The following STK4 variants were observed in gnomAD, a reference collection of about 807,000 sequenced individuals.
The protein encoded by STK4 is serine/threonine kinase 4.
Under a neutral mutation model 64.9 loss-of-function variants are expected in STK4, and 30 were observed. The ratio of observed to expected loss-of-function variants is 0.46; its 90% CI spans 0.35 to 0.63. The LOEUF is 0.63. STK4 is among the 20% of genes least tolerant of loss of function. The pLI is 0.01. For missense variants in STK4, 466 were observed against 598.5 expected, an observed-to-expected ratio of 0.78 and a Z score of 2.31; for synonymous variants, 177 against 199.0, an observed-to-expected ratio of 0.89 and a Z score of 0.93.
At chr20:45,001,904 G>T (rs1299824556) in intron 9 of STK4, among the ~76,000 whole-genome samples, 1 of 152,122 alleles carries the variant, frequency 6.6e-6, no homozygotes, top group African/African-American at 2.4e-5. Flanking sequence ...CTAACATCTT[G>T]TGTTCAGCTC....
Position 45,000,876 on chromosome 20 carries a change from A to G in STK4, c.961-291A>G, listed in dbSNP as rs1454872986. On this transcript the variant is annotated intron_variant, in intron 8 of 10. Coordinates refer to ENST00000372806, the MANE Select transcript of STK4 (RefSeq NM_006282.5). The stretch of plus-strand genomic sequence containing the variant: ...CTTTTACATTTATAGACTTCTTCAC[A>G]ACCCTGAGATTCCAAAGATGTTCAC... Among the ~76,000 whole-genome samples the G allele has an allele frequency of 2.0e-5, 3 of 152,326 alleles. No individual in the cohort carries two copies. In the East Asian group the frequency reaches 5.8e-4, roughly 29 times the overall value.
intron 10 of STK4, among the ~76,000 whole-genome samples, chr20:45,069,334 G>A (rs1979857789): frequency 6.6e-6 from 1 of 152,218 alleles, no homozygotes; most frequent in Non-Finnish European, 1.5e-5. Flanking sequence ...ACCTTCAGTA[G>A]CAAGCCTGTG....
At chr20:45,054,577 T>TTTC (rs1568758959) in intron 10 of STK4, among the ~76,000 whole-genome samples, 1 of 125,530 alleles carries the variant, frequency 8.0e-6, no homozygotes, top group African/African-American at 3.0e-5. Flanking sequence ...TTTTTTTTTT[T>TTTC]CAAAAAAAAA....
chr20:45,022,422 T>C (rs2068264381), intron 9 of STK4, among the ~76,000 whole-genome samples: 1 of 152,148 alleles, frequency 6.6e-6, no homozygotes. Flanking sequence ...CAAAGAACAG[T>C]TGGTGTTTTA....
intron 9 of STK4, among the ~76,000 whole-genome samples, chr20:45,020,476 G>A (rs2068228063): frequency 6.9e-6 from 1 of 145,744 alleles, no homozygotes; most frequent in South Asian, 2.1e-4. Context: ...GTATGTTTAT[G>A]TTTATGTTTA....
rs1348289780 is a variant in STK4 at position 45,079,687 on chromosome 20, T to C, written c.*4511T>C. On this transcript the variant is annotated 3_prime_UTR_variant, in exon 11 of 11. Transcript: ENST00000372806. ...ATGTACAGTTTAAAAATGTGAAGTT[T>C]GTAGCTTTAACTTTTTGTAAGAAAA... is the stretch of plus-strand genomic sequence containing the variant. The C allele has an allele frequency of 6.5e-6, 1 of 152,676 alleles. No individual in the cohort carries two copies. The highest frequency in any genetic ancestry group is 1.5e-5 in the Non-Finnish European group (1 of 68,040). The allele number at this position is 152,676 out of a possible 1,614,324, so 9.5% of individuals were successfully genotyped here.
intron 9 of STK4, among the ~76,000 whole-genome samples, chr20:45,019,709 ACGG>A (rs1469765296): frequency 6.6e-6 from 1 of 152,312 alleles, no homozygotes; most frequent in African/African-American, 2.4e-5. Context: ...CATTCTTTCT[ACGG>A]CTTTAGGTTT....
At chr20:45,022,825 C>T (rs948926483) in intron 9 of STK4, among the ~76,000 whole-genome samples, 1 of 152,038 alleles carries the variant, frequency 6.6e-6, no homozygotes, top group Admixed American at 6.6e-5. Context: ...CCAGAAGTCG[C>T]CATTTTTATT....
intron 4 of STK4, among the ~76,000 whole-genome samples, chr20:44,984,183 GTTGTTT>G (rs1231087704): frequency 1.6e-5 from 1 of 62,566 alleles, no homozygotes; most frequent in East Asian, 4.7e-4. Flanking sequence ...TGTTGTTGTC[GTTGTTT>G]TTTTTTTTTT....
At position 45,031,904 on chromosome 20, in the gene STK4, CAA is replaced by C. The variant is rs11431524; in HGVS notation, c.1305+6794_1305+6795del. On this transcript the variant is annotated intron_variant, in intron 10 of 10. Transcript: ENST00000372806. ...TGGCTGACACAGCGAGACTTCATCT[CAA>C]AAAAAAAAAAAAAAAAAAATCAGAT... Among the ~76,000 whole-genome samples, 332 of 75,618 alleles carry C rather than the reference CAA, an allele frequency of 4.4e-3. 3 individuals carry two copies. Among genetic ancestry groups the C allele is most frequent in the African/African-American group, 0.015 (313 of 21,054 alleles). 49.6% of individuals were successfully genotyped at this position (75,618 alleles called of 152,430 possible).
chr20:44,993,648 T>C (rs1283958368), intron 5 of STK4, among the ~76,000 whole-genome samples: 3 of 152,236 alleles, frequency 2.0e-5, no homozygotes, highest in Non-Finnish European at 4.4e-5. Context: ...TCAGTGATGA[T>C]GATCGGAAGT....
intron 9 of STK4, among the ~76,000 whole-genome samples, chr20:45,019,703 C>G (rs532735379): frequency 6.6e-6 from 1 of 152,318 alleles, no homozygotes; most frequent in Non-Finnish European, 1.5e-5. Flanking sequence ...TCAGTCCATT[C>G]TTTCTACGGC....
chr20:45,059,020 C>T (rs970897158), intron 10 of STK4, among the ~76,000 whole-genome samples: 1 of 152,158 alleles, frequency 6.6e-6, no homozygotes, highest in Non-Finnish European at 1.5e-5. Flanking sequence ...TCCCCCTTGT[C>T]AATGGGGGAA....
intron 9 of STK4, 144 bp downstream of exon 9, chr20:45,001,497 T>C: frequency 3.9e-6 from 4 of 1,024,216 alleles, no homozygotes; most frequent in African/African-American, 1.6e-5. Context: ...AAGTTTGCGA[T>C]GGGGACAGGA....
chr20:44,985,187 T>C (rs1601202273), intron 4 of STK4, among the ~76,000 whole-genome samples: 1 of 152,310 alleles, frequency 6.6e-6, no homozygotes, highest in East Asian at 1.9e-4. Context: ...CTCTGACTTT[T>C]GGCATAAATG....
chr20:45,063,533 T>A (rs747026788), intron 10 of STK4, among the ~76,000 whole-genome samples: 5 of 152,238 alleles, frequency 3.3e-5, no homozygotes, highest in Non-Finnish European at 7.3e-5. Flanking sequence ...CCTCCCATTC[T>A]GTAAGTTGTC....
At chr20:44,981,980 T>C in intron 4 of STK4, 37 bp downstream of exon 4, 1 of 1,392,092 alleles carries the variant, frequency 7.2e-7, no homozygotes, top group African/African-American at 1.4e-5. Context: ...CTGAGCTAGT[T>C]TCTTATGCCA....
At chr20:44,978,680 G>T in intron 3 of STK4, 109 bp downstream of exon 3, 1 of 1,187,840 alleles carries the variant, frequency 8.4e-7, no homozygotes, top group South Asian at 2.2e-5. Flanking sequence ...GCAGAAGGGA[G>T]AATTCGATGG....
At chr20:45,035,123 T>C (rs1347176765) in intron 10 of STK4, among the ~76,000 whole-genome samples, 2 of 152,138 alleles carry the variant, frequency 1.3e-5, no homozygotes, top group African/African-American at 4.8e-5. Context: ...TTTGTGTAAA[T>C]TTAATAAAAC....
Sources: allele counts gnomAD v4.1 joint callset (sites outside exome capture counted in the v4.1 genomes callset), GRCh38; gene constraint gnomAD v4.1.1; transcripts MANE v1.5; gene names NCBI Gene and HGNC (gene_info 2026-07-23, HGNC 2026-07-21).